The following DNAJB11 variants were observed in gnomAD, a reference collection of about 807,000 sequenced individuals.
DNAJB11 encodes dnaJ homolog subfamily B member 11.
DNAJB11 carries 30 observed loss-of-function variants against 47.2 expected under a neutral mutation model. The observed-to-expected ratio is 0.64, with a 90% confidence interval of 0.48 to 0.86. The LOEUF (loss-of-function observed/expected upper bound fraction) is 0.86. Ranked by LOEUF, DNAJB11 falls within the 40% of genes least tolerant of loss-of-function variation. The pLI, the probability that DNAJB11 is intolerant of heterozygous loss-of-function variation, is 0.00. For synonymous variants in DNAJB11, 151 were observed against 159.9 expected, an observed-to-expected ratio of 0.94 and a Z score of 0.42; for missense variants, 357 against 440.2, an observed-to-expected ratio of 0.81 and a Z score of 1.69.
At chr3:186,573,457 T>A (rs1279616316) in intron 2 of DNAJB11, among the ~76,000 whole-genome samples, 1 of 152,120 alleles carries the variant, frequency 6.6e-6, no homozygotes, top group Non-Finnish European at 1.5e-5. Flanking sequence ...CGATCTCGGC[T>A]CACTGCAAGC....
At chr3:186,584,098 C>T (rs987033896) in intron 8 of DNAJB11, 122 bp downstream of exon 8, 9 of 736,956 alleles carry the variant, frequency 1.2e-5, no homozygotes, top group Admixed American at 6.5e-5. Flanking sequence ...CGTATTCTGC[C>T]GTCTGTACTT....
chr3:186,572,609 C>T (rs139939968), intron 2 of DNAJB11, among the ~76,000 whole-genome samples: 415 of 152,308 alleles, frequency 2.7e-3, no homozygotes, highest in African/African-American at 9.5e-3. Flanking sequence ...GTCTGTCGTT[C>T]AATCAGTTTG....
rs145856680 is a variant in DNAJB11 at position 186,582,848 on chromosome 3, G to C, written c.740+75G>C. The C allele has an allele frequency of 4.0e-5, 43 of 1,066,766 alleles. No individual in the cohort carries two copies. In the African/African-American group the frequency reaches 6.1e-4, roughly 15 times the overall value. The allele number at this position is 1,066,766 out of a possible 1,614,324, so 66.1% of individuals were successfully genotyped here. A position where few individuals can be genotyped will look rare whatever the true frequency, so the allele number is the denominator to read the frequency against. On this transcript the variant is annotated intron_variant, in intron 7 of 9. Coordinates refer to ENST00000265028, the MANE Select transcript of DNAJB11 (RefSeq NM_016306.6). ...ACGTAGGTGGCCACCAGAGCAGTTA[G>C]ACTTTTTTCTCTGTTTCTTACCCTT... is the stretch of plus-strand genomic sequence containing the variant.
At chr3:186,584,691 TGAGAC>T (rs2108487219) in intron 9 of DNAJB11, 102 bp downstream of exon 9, 1 of 1,200,262 alleles carries the variant, frequency 8.3e-7, no homozygotes, top group South Asian at 1.9e-5. Context: ...TCCAGTGACA[TGAGAC>T]ATCAATCATT....
chr3:186,573,713 C>A (rs572531661), intron 2 of DNAJB11, among the ~76,000 whole-genome samples: 1 of 152,154 alleles, frequency 6.6e-6, no homozygotes, highest in African/African-American at 2.4e-5. Context: ...ACCTGAGGCA[C>A]ATCAATAAAC....
intron 1 of DNAJB11, among the ~76,000 whole-genome samples, chr3:186,571,627 T>G (rs147545664): frequency 6.6e-6 from 1 of 152,360 alleles, no homozygotes; most frequent in East Asian, 1.9e-4. Context: ...GCAGTGCTAC[T>G]GTTAGGACAT....
At chr3:186,581,733 C>T (rs1020693126) in intron 5 of DNAJB11, among the ~76,000 whole-genome samples, 8 of 151,988 alleles carry the variant, frequency 5.3e-5, no homozygotes, top group African/African-American at 1.7e-4. Flanking sequence ...ATTTCTGATA[C>T]ATTTTCAACA....
intron 3 of DNAJB11, 65 bp from the exon 4 acceptor site, chr3:186,577,603 G>C: frequency 7.0e-7 from 1 of 1,426,534 alleles, no homozygotes; most frequent in Non-Finnish European, 9.4e-7. Flanking sequence ...AAGAAAATGA[G>C]TTAATTGTGA....
intron 4 of DNAJB11, 48 bp downstream of exon 4, chr3:186,577,848 C>A: frequency 6.7e-7 from 1 of 1,498,886 alleles, no homozygotes; most frequent in Non-Finnish European, 8.9e-7. Context: ...AGAACTTGCA[C>A]TTTTGACTAA....
intron 2 of DNAJB11, among the ~76,000 whole-genome samples, chr3:186,575,368 C>CGCGCGTGTGTGT (rs1406330956): frequency 1.0e-4 from 15 of 143,358 alleles, no homozygotes; most frequent in African/African-American, 2.4e-4. Flanking sequence ...CGCGCGCGCG[C>CGCGCGTGTGTGT]GTGTGTGTGT....
chr3:186,580,041 G>A (rs1303566180), intron 4 of DNAJB11: 1 of 152,198 alleles, frequency 6.6e-6, no homozygotes, highest in Non-Finnish European at 1.5e-5. Flanking sequence ...TGTTGAGGCT[G>A]CAGGAGAAAA....
At chr3:186,585,302 CAT>C (rs1560238386) in intron 9 of DNAJB11, 40 bp from the exon 10 acceptor site, 2 of 1,543,576 alleles carry the variant, frequency 1.3e-6, no homozygotes, top group East Asian at 2.3e-5. Context: ...AGGAAAGTAA[CAT>C]TTTTTTGTTA....
At chr3:186,571,022 T>TGGGGGGGGG in intron 1 of DNAJB11, 57 bp downstream of exon 1, 4 of 208,302 alleles carry the variant, frequency 1.9e-5, no homozygotes, top group South Asian at 4.3e-5. Context: ...TGCTGGGGGG[T>TGGGGGGGGG]GGGAGGGGGT....
At chr3:186,574,655 G>A (rs1715203683) in intron 2 of DNAJB11, among the ~76,000 whole-genome samples, 1 of 152,096 alleles carries the variant, frequency 6.6e-6, no homozygotes, top group Non-Finnish European at 1.5e-5. Context: ...TCACTCTCTT[G>A]TATACTCAAT....
intron 2 of DNAJB11, among the ~76,000 whole-genome samples, chr3:186,574,621 A>G (rs1201585495): frequency 1.3e-5 from 2 of 152,096 alleles, no homozygotes; most frequent in Admixed American, 6.6e-5. Flanking sequence ...GGAATAACCC[A>G]TTTGCCTTTG....
intron 3 of DNAJB11, 72 bp downstream of exon 3, chr3:186,576,009 C>A: frequency 8.8e-7 from 1 of 1,137,404 alleles, no homozygotes; most frequent in Non-Finnish European, 1.3e-6. Context: ...GAATTATTCT[C>A]ATTCCCTAGT....
At chr3:186,572,338 C>A in intron 2 of DNAJB11, 87 bp downstream of exon 2, 1 of 991,862 alleles carries the variant, frequency 1.0e-6, no homozygotes, top group Non-Finnish European at 1.3e-6. Flanking sequence ...TTTCAGCTCA[C>A]ATTTATTTAT....
At chr3:186,581,673 A>G (rs1315508944) in intron 5 of DNAJB11, among the ~76,000 whole-genome samples, 160 bp downstream of exon 5, 2 of 151,460 alleles carry the variant, frequency 1.3e-5, no homozygotes, top group African/African-American at 4.9e-5. Context: ...TTTCTGAAGT[A>G]TTTGTAAATA....
rs201986721 is a variant in DNAJB11 at position 186,583,097 on chromosome 3, CTT to C, written c.740+327_740+328del. 8.8e-3 allele frequency among the ~76,000 whole-genome samples: 1,333 copies of C among 152,314 alleles called. 8 individuals are homozygous for C. The highest frequency in any genetic ancestry group is 0.013 in the Non-Finnish European group (900 of 68,018). ...TATGGCACCATACAAGAATAGGAGA[CTT>C]TTCCATAGACAGAACCTTCTACATA... On this transcript the variant is annotated intron_variant, in intron 7 of 9. Coordinates refer to ENST00000265028, the MANE Select transcript of DNAJB11 (RefSeq NM_016306.6).
Sources: allele counts gnomAD v4.1 joint callset (sites outside exome capture counted in the v4.1 genomes callset), GRCh38; gene constraint gnomAD v4.1.1; transcripts MANE v1.5; gene names NCBI Gene and HGNC (gene_info 2026-07-23, HGNC 2026-07-21).